Variants in C10orf90 observed in about 807,000 individuals in gnomAD.
C10orf90 encodes the protein (E2-independent) E3 ubiquitin-conjugating enzyme FATS.
A neutral mutation model predicts 62.5 loss-of-function variants in C10orf90; 56 were observed. That is an observed-to-expected ratio of 0.90 (90% confidence interval 0.72 to 1.12). The LOEUF is 1.12. Ranked by LOEUF, C10orf90 falls within the 50% of genes most tolerant of loss-of-function variation. C10orf90 has a pLI of 0.00. For synonymous variants in C10orf90, 386 were observed against 340.4 expected, an observed-to-expected ratio of 1.13 and a Z score of -1.47; for missense variants, 970 against 880.4, an observed-to-expected ratio of 1.10 and a Z score of -1.29.
intron 1 of C10orf90, among the ~76,000 whole-genome samples, chr10:126,652,516 T>C (rs896746828): frequency 7.9e-5 from 12 of 152,206 alleles, no homozygotes; most frequent in Non-Finnish European, 1.5e-5. Context: ...TTATTCCTAC[T>C]ATTTCTGCTC....
intron 3 of C10orf90, 45 bp downstream of exon 3, chr10:126,513,803 G>T: frequency 1.7e-6 from 2 of 1,193,654 alleles, no homozygotes; most frequent in Non-Finnish European, 2.5e-6. Flanking sequence ...TTTTATAGAT[G>T]GGTGCATTTT....
At chr10:126,513,815 C>A (rs1448130644) in intron 3 of C10orf90, 33 bp downstream of exon 3, 49 of 1,390,050 alleles carry the variant, frequency 3.5e-5, no homozygotes, top group Non-Finnish European at 5.0e-5. Flanking sequence ...GTGCATTTTG[C>A]TGACTATTCT....
At chr10:126,448,152 G>A (rs1174403137) in intron 7 of C10orf90, among the ~76,000 whole-genome samples, 1 of 150,318 alleles carries the variant, frequency 6.7e-6, no homozygotes, top group South Asian at 2.1e-4. Flanking sequence ...TTACAGGCCT[G>A]AGCCACCGCA....
At chr10:126,521,660 A>G (rs529503994) in intron 2 of C10orf90, among the ~76,000 whole-genome samples, 13 of 152,342 alleles carry the variant, frequency 8.5e-5, no homozygotes, top group Admixed American at 5.2e-4. Context: ...TTTTCTTAGT[A>G]TTAAAATACA....
intron 2 of C10orf90, among the ~76,000 whole-genome samples, chr10:126,554,680 T>C (rs1015963333): frequency 1.3e-5 from 2 of 152,172 alleles, no homozygotes; most frequent in Admixed American, 1.3e-4. Context: ...GCTACCAACT[T>C]TCTCTGGAAA....
chr10:126,644,547 A>T (rs1025160855), intron 2 of C10orf90, among the ~76,000 whole-genome samples: 1 of 152,222 alleles, frequency 6.6e-6, no homozygotes, highest in African/African-American at 2.4e-5. Context: ...TGGCAGACTA[A>T]AAAAAGAGAT....
chr10:126,594,631 A>C (rs1845048140), intron 2 of C10orf90, among the ~76,000 whole-genome samples: 1 of 152,224 alleles, frequency 6.6e-6, no homozygotes, highest in African/African-American at 2.4e-5. Flanking sequence ...CTGTGTACAG[A>C]ACTAGAGAGT....
At chr10:126,535,146 CATAT>C (rs1864197725) in intron 2 of C10orf90, among the ~76,000 whole-genome samples, 1 of 151,948 alleles carries the variant, frequency 6.6e-6, no homozygotes, top group South Asian at 2.1e-4. Flanking sequence ...CACACACATA[CATAT>C]ATATACATAT....
intron 1 of C10orf90, among the ~76,000 whole-genome samples, chr10:126,656,063 C>T (rs542806127): frequency 6.6e-6 from 1 of 152,118 alleles, no homozygotes; most frequent in African/African-American, 2.4e-5. Flanking sequence ...ATAACTTCTG[C>T]TTATTGAACA....
At position 126,535,473 on chromosome 10, in the gene C10orf90, C is replaced by T. The variant is rs1009414571; in HGVS notation, c.314-21534G>A. Among the ~76,000 whole-genome samples, 37 of 149,934 alleles carry T rather than the reference C, an allele frequency of 2.5e-4. 1 individual carries two copies. The East Asian group carries it at 2.6e-3, about 10-fold the overall frequency. ...TGGAGCTTGCAGTGAGCTGAGATCA[C>T]GCCACTGCACTCCAGCCTGGGCAAC... On this transcript the variant is annotated intron_variant, in intron 2 of 9. Transcript: ENST00000488181.
At chr10:126,437,193 G>A (rs1857977997) in intron 7 of C10orf90, among the ~76,000 whole-genome samples, 1 of 152,194 alleles carries the variant, frequency 6.6e-6, no homozygotes, top group Non-Finnish European at 1.5e-5. Context: ...CCTGAGAGTT[G>A]AGTACTGATG....
At chr10:126,434,322 AG>A (rs965803236) in intron 7 of C10orf90, among the ~76,000 whole-genome samples, 1 of 152,212 alleles carries the variant, frequency 6.6e-6, no homozygotes, top group Non-Finnish European at 1.5e-5. Flanking sequence ...AAGGCAGCAA[AG>A]ATCACCCTGC....
intron 4 of C10orf90, among the ~76,000 whole-genome samples, chr10:126,477,887 A>T (rs1317907052): frequency 6.6e-6 from 1 of 152,190 alleles, no homozygotes; most frequent in Non-Finnish European, 1.5e-5. Context: ...GGTACATCTG[A>T]TCATGGTGTA....
intron 7 of C10orf90, among the ~76,000 whole-genome samples, chr10:126,441,031 T>A (rs1161610776): frequency 6.6e-6 from 1 of 152,050 alleles, no homozygotes; most frequent in Non-Finnish European, 1.5e-5. Flanking sequence ...AAACCAAGAA[T>A]AAATACCTAA....
chr10:126,564,109 G>T (rs1844243072), intron 2 of C10orf90, among the ~76,000 whole-genome samples: 1 of 152,136 alleles, frequency 6.6e-6, no homozygotes, highest in Non-Finnish European at 1.5e-5. Flanking sequence ...CTATCTGTCT[G>T]CTTGGGGAGA....
chr10:126,511,414 G>C (rs1207130287), intron 3 of C10orf90, among the ~76,000 whole-genome samples: 1 of 151,518 alleles, frequency 6.6e-6, no homozygotes, highest in African/African-American at 2.4e-5. Context: ...TGTACAACTT[G>C]GTGGTATTAA....
chr10:126,435,247 C>G (rs533475750), intron 7 of C10orf90, among the ~76,000 whole-genome samples: 24 of 152,270 alleles, frequency 1.6e-4, no homozygotes, highest in Non-Finnish European at 2.9e-5. Flanking sequence ...AGCTCTCAGA[C>G]CTTTCTGGTG....
chr10:126,563,661 A>G (rs1398085096), intron 2 of C10orf90, among the ~76,000 whole-genome samples: 10 of 152,324 alleles, frequency 6.6e-5, no homozygotes, highest in Admixed American at 5.9e-4. Context: ...CTGCCTGCTC[A>G]GCAAAGGGAT....
chr10:126,457,964 T>C (rs1859691816), intron 7 of C10orf90, among the ~76,000 whole-genome samples: 1 of 152,142 alleles, frequency 6.6e-6, no homozygotes, highest in African/African-American at 2.4e-5. Context: ...GAACTTGTCA[T>C]GAGGAGGGAG....
Sources: gnomAD v4.1 joint callset for allele counts (sites outside exome capture counted in the v4.1 genomes callset) on GRCh38, gnomAD v4.1.1 for gene constraint, MANE v1.5 for transcripts, NCBI Gene and HGNC (gene_info 2026-07-23, HGNC 2026-07-21) for gene names.